KCNJ15: variants seen among roughly 807,000 people sequenced by gnomAD.
KCNJ15 encodes ATP-sensitive inward rectifier potassium channel 15.
Under a neutral mutation model 23.0 loss-of-function variants are expected in KCNJ15, and 14 were observed. That is an observed-to-expected ratio of 0.61 (90% CI 0.40 to 0.95). The LOEUF (loss-of-function observed/expected upper bound fraction) is 0.95, where lower values mean the gene tolerates loss of function less well. Ranked by LOEUF, KCNJ15 falls within the 40% of genes least tolerant of loss-of-function variation. KCNJ15 has a pLI of 0.00. For synonymous variants in KCNJ15, 185 were observed against 183.2 expected (o/e 1.01, Z -0.08); for missense variants, 388 against 461.8 (o/e 0.84, Z 1.46).
intron 1 of KCNJ15, among the ~76,000 whole-genome samples, chr21:38,296,370 A>G (rs1985158498): frequency 6.6e-6 from 1 of 152,222 alleles, no homozygotes; most frequent in Non-Finnish European, 1.5e-5. Flanking sequence ...AAAGGAGATT[A>G]CATGAAACTG....
rs1160840618 is a variant in KCNJ15, at chr21:38,302,909, T to G, written c.*2520T>G. 6.6e-6 allele frequency: 1 copy of G among 152,142 alleles called. No homozygotes were observed. Among genetic ancestry groups the G allele is most frequent in the Non-Finnish European group, 1.5e-5 (1 of 68,008 alleles). 9.4% of individuals were successfully genotyped at this position (152,142 alleles called of 1,614,324 possible). ...GCAGAAATATCACCTTAAAAATATC[T>G]TATTTTATATTTAGATAATATTGAA... On this transcript the variant is annotated 3_prime_UTR_variant, in exon 3 of 3. Transcript: ENST00000398938.
upstream of KCNJ15, among the ~76,000 whole-genome samples, chr21:38,252,684 G>A (rs535976027): frequency 5.3e-5 from 8 of 152,246 alleles, no homozygotes; most frequent in Non-Finnish European, 1.2e-4. Flanking sequence ...TTGGGAAACT[G>A]ACAAAGTGGA....
At chr21:38,248,605 TC>T (rs1264275135) in intron 1 of KCNJ15, among the ~76,000 whole-genome samples, 2 of 152,214 alleles carry the variant, frequency 1.3e-5, no homozygotes, top group African/African-American at 4.8e-5. Flanking sequence ...CAGCTCAGGA[TC>T]TCTGCATACA....
chr21:38,274,184 G>T (rs1982402470), intron 1 of KCNJ15, among the ~76,000 whole-genome samples: 1 of 152,230 alleles, frequency 6.6e-6, no homozygotes, highest in Admixed American at 6.5e-5. Flanking sequence ...TGTAAGCAAA[G>T]ACGTGAACTA....
chr21:38,262,494 T>C (rs1460663286), intron 1 of KCNJ15, among the ~76,000 whole-genome samples: 1 of 152,326 alleles, frequency 6.6e-6, no homozygotes, highest in East Asian at 1.9e-4. Flanking sequence ...TGTGTAGGTA[T>C]AGAGAGGCTA....
At chr21:38,282,052 T>C (rs1241540967) in intron 1 of KCNJ15, among the ~76,000 whole-genome samples, 2 of 152,150 alleles carry the variant, frequency 1.3e-5, no homozygotes, top group African/African-American at 2.4e-5. Flanking sequence ...TTGTTGACTG[T>C]TTGTATATCT....
intron 1 of KCNJ15, among the ~76,000 whole-genome samples, chr21:38,284,109 T>C (rs937457009): frequency 2.6e-5 from 4 of 152,188 alleles, no homozygotes; most frequent in African/African-American, 9.7e-5. Context: ...TGCTTACTTC[T>C]CTTTAGGTGT....
chr21:38,293,415 G>A (rs752322899), intron 1 of KCNJ15, among the ~76,000 whole-genome samples: 2 of 152,128 alleles, frequency 1.3e-5, no homozygotes, highest in Non-Finnish European at 2.9e-5. Flanking sequence ...CCCCCGCTAC[G>A]CCCGGGCAGG....
intron 1 of KCNJ15, among the ~76,000 whole-genome samples, chr21:38,295,414 T>A (rs1985041469): frequency 6.6e-6 from 1 of 152,222 alleles, no homozygotes; most frequent in East Asian, 1.9e-4. Context: ...ATGATTCTGA[T>A]GTTAGTTCTG....
At chr21:38,294,945 C>T (rs1984990338) in intron 1 of KCNJ15, among the ~76,000 whole-genome samples, 1 of 152,138 alleles carries the variant, frequency 6.6e-6, no homozygotes, top group African/African-American at 2.4e-5. Context: ...AAATTGCAAC[C>T]CCAACCCACA....
chr21:38,300,167 A>G lies in KCNJ15; in HGVS notation c.906A>G (p.Pro302=). 2 of 1,614,164 alleles carry G rather than the reference A, an allele frequency of 1.2e-6. No individual in the cohort carries two copies. Among genetic ancestry groups the G allele is most frequent in the Non-Finnish European group, 1.7e-6 (2 of 1,180,022 alleles). ...AVCQSRTSYI[P]EEIYWGFEFV... ...GCCAGAGCCGAACATCTTATATCCC[A>G]GAGGAAATCTACTGGGGTTTTGAGT... is the stretch of plus-strand genomic sequence containing the variant. Residue 302 remains proline, a synonymous_variant, in exon 3 of 3, where the codon CCA becomes CCG. Transcript: ENST00000398938.
In KCNJ15 at chr21:38,300,137, T is replaced by A. The variant is rs1985627390; in HGVS notation, c.876T>A (p.Ala292=). The part of the protein sequence containing the change: ...LLNATVESTS[A]VCQSRTSYIP... ...ATGCCACTGTGGAATCCACCAGCGC[T>A]GTCTGCCAGAGCCGAACATCTTATA... Residue 292 remains alanine, a synonymous_variant, in exon 3 of 3, where the codon GCT becomes GCA. Coordinates refer to ENST00000398938, the MANE Select transcript of KCNJ15 (RefSeq NM_170736.3). 6.2e-7 allele frequency: 1 copy of A among 1,614,098 alleles called. No homozygotes were observed. Among genetic ancestry groups the A allele is most frequent in the Non-Finnish European group, 8.5e-7 (1 of 1,180,048 alleles).
intron 1 of KCNJ15, among the ~76,000 whole-genome samples, chr21:38,275,796 C>T (rs1264734850): frequency 6.6e-6 from 1 of 152,184 alleles, no homozygotes; most frequent in Non-Finnish European, 1.5e-5. Context: ...CATACTTTGC[C>T]ACCCCATAGT....
rs1985929560 is a variant in KCNJ15, at chr21:38,303,466, G to A, written c.*3077G>A. The A allele has an allele frequency of 6.6e-6, 1 of 151,976 alleles. No homozygotes were observed. The highest frequency in any genetic ancestry group is 2.4e-5 in the African/African-American group (1 of 41,374). 9.4% of individuals were successfully genotyped at this position (151,976 alleles called of 1,614,324 possible). A position where few individuals can be genotyped will look rare whatever the true frequency, so the allele number is the denominator to read the frequency against. On this transcript the variant is annotated 3_prime_UTR_variant, in exon 3 of 3. Coordinates refer to ENST00000398938, the MANE Select transcript of KCNJ15 (RefSeq NM_170736.3). ...CCACGTCTTATTCAGCAATAAAATA[G>A]TGCTCACATGGTGCCTGGCAGACAG... is the stretch of plus-strand genomic sequence containing the variant.
intron 1 of KCNJ15, among the ~76,000 whole-genome samples, chr21:38,288,427 A>T (rs1416032302): frequency 6.6e-6 from 1 of 152,174 alleles, no homozygotes. Flanking sequence ...ATGCCAATGA[A>T]GATAAGAATT....
intron 2 of KCNJ15, among the ~76,000 whole-genome samples, chr21:38,298,848 A>G (rs1278220222): frequency 6.6e-6 from 1 of 152,234 alleles, no homozygotes; most frequent in East Asian, 1.9e-4. Flanking sequence ...AGAGTTTGTT[A>G]TCACAAAAAA....
intron 1 of KCNJ15, among the ~76,000 whole-genome samples, chr21:38,293,272 T>C (rs1348209743): frequency 6.6e-6 from 1 of 152,014 alleles, no homozygotes; most frequent in Non-Finnish European, 1.5e-5. Context: ...CCCACCCACA[T>C]GCAAGGCAAG....
chr21:38,295,224 T>C (rs1985017906), intron 1 of KCNJ15, among the ~76,000 whole-genome samples: 1 of 152,236 alleles, frequency 6.6e-6, no homozygotes, highest in Non-Finnish European at 1.5e-5. Context: ...TAGAGCATTC[T>C]GCTTTTAGTA....
upstream of KCNJ15, among the ~76,000 whole-genome samples, chr21:38,252,580 GCA>G: frequency 6.6e-6 from 1 of 152,136 alleles, no homozygotes; most frequent in African/African-American, 2.4e-5. Context: ...GATTCTCCTG[GCA>G]TTTTGAGGAA....
Sources: gnomAD v4.1 joint callset for allele counts (sites outside exome capture counted in the v4.1 genomes callset) on GRCh38, gnomAD v4.1.1 for gene constraint, MANE v1.5 for transcripts, NCBI Gene and HGNC (gene_info 2026-07-23, HGNC 2026-07-21) for gene names.